TTLL7: variants seen among roughly 807,000 people sequenced by gnomAD.
TTLL7 encodes tubulin polyglutamylase TTLL7.
In TTLL7, 53 loss-of-function variants were observed where a neutral mutation model predicts 120.2. The observed-to-expected ratio is 0.44, with a 90% CI of 0.35 to 0.55. The LOEUF (loss-of-function observed/expected upper bound fraction) is 0.55, where lower values mean the gene tolerates loss of function less well. TTLL7 is among the 20% of genes least tolerant of loss of function. The probability of loss-of-function intolerance (pLI) is 0.00; values close to 1 mark genes in which losing one functional copy is unlikely to be tolerated. For missense variants in TTLL7, 803 were observed against 1,054.7 expected (o/e 0.76, Z 3.31); for synonymous variants, 353 against 351.7 (o/e 1.00, Z -0.04).
intron 18 of TTLL7, among the ~76,000 whole-genome samples, chr1:83,892,916 A>AG (rs1172863343): frequency 1.6e-5 from 2 of 123,724 alleles, no homozygotes; most frequent in South Asian, 2.6e-4. Flanking sequence ...AAAAAGAAAA[A>AG]AGAAAGAAAA....
intron 1 of TTLL7, among the ~76,000 whole-genome samples, chr1:83,970,903 C>A (rs954338534): frequency 6.6e-6 from 1 of 152,020 alleles, no homozygotes; most frequent in Non-Finnish European, 1.5e-5. Flanking sequence ...GTAAAACACA[C>A]AGCTTCAGAG....
intron 1 of TTLL7, among the ~76,000 whole-genome samples, chr1:83,955,795 A>G (rs940026084): frequency 9.2e-5 from 14 of 152,156 alleles, no homozygotes; most frequent in Non-Finnish European, 1.9e-4. Context: ...CAGGAGGATC[A>G]CTTGAGACCA....
At chr1:83,872,932 G>A (rs1653569576) in intron 20 of TTLL7, among the ~76,000 whole-genome samples, 1 of 152,178 alleles carries the variant, frequency 6.6e-6, no homozygotes, top group African/African-American at 2.4e-5. Flanking sequence ...TACCTAGTAA[G>A]TGGCAGAGCC....
intron 1 of TTLL7, among the ~76,000 whole-genome samples, chr1:83,962,899 T>C (rs548341269): frequency 3.8e-4 from 58 of 152,268 alleles, no homozygotes; most frequent in African/African-American, 1.2e-3. Flanking sequence ...TTTAAGCCAA[T>C]GTTATTTGAA....
chr1:83,954,542 T>C (rs1649338190), intron 1 of TTLL7, among the ~76,000 whole-genome samples: 1 of 152,206 alleles, frequency 6.6e-6, no homozygotes, highest in Non-Finnish European at 1.5e-5. Flanking sequence ...ACCTCTGAAA[T>C]GCTTTAAGCC....
At chr1:83,944,504 C>T (rs925059845) in intron 6 of TTLL7, among the ~76,000 whole-genome samples, 4 of 134,126 alleles carry the variant, frequency 3.0e-5, no homozygotes, top group East Asian at 2.2e-4. Flanking sequence ...GTCAGGAGTT[C>T]GAGATCAGCC....
intron 10 of TTLL7, among the ~76,000 whole-genome samples, chr1:83,922,857 C>T (rs764735740): frequency 6.6e-6 from 1 of 150,702 alleles, no homozygotes; most frequent in Non-Finnish European, 1.5e-5. Flanking sequence ...AGATGAGATG[C>T]TATTTCATTA....
intron 18 of TTLL7, 104 bp downstream of exon 18, chr1:83,903,975 G>A (rs959628203): frequency 2.3e-6 from 2 of 853,558 alleles, no homozygotes; most frequent in Non-Finnish European, 3.9e-6. Flanking sequence ...GAAGAAATGA[G>A]TAAACAAATG....
chr1:83,954,484 T>C (rs1244201574), intron 1 of TTLL7, among the ~76,000 whole-genome samples: 2 of 152,248 alleles, frequency 1.3e-5, no homozygotes, highest in Non-Finnish European at 2.9e-5. Context: ...ACCACTCATT[T>C]GAAACCATAG....
At chr1:83,883,522 C>G (rs1161254246) in intron 19 of TTLL7, among the ~76,000 whole-genome samples, 1 of 151,906 alleles carries the variant, frequency 6.6e-6, no homozygotes, top group Admixed American at 6.6e-5. Context: ...CTTGAAGTAG[C>G]TGGGACTACA....
At chr1:83,985,492 T>C (rs1229220693) in intron 1 of TTLL7, among the ~76,000 whole-genome samples, 1 of 152,140 alleles carries the variant, frequency 6.6e-6, no homozygotes, top group Non-Finnish European at 1.5e-5. Flanking sequence ...CAGACACCCC[T>C]AGAAATAATA....
rs188426748 is a variant in TTLL7 at position 83,947,797 on chromosome 1, A to G, written c.348-515T>C. ...TTACAAATTATCACACATAGGGAAC[A>G]GTTTTTGATTACCTTTTATACTACC... On this transcript the variant is annotated intron_variant, in intron 5 of 20. Transcript: ENST00000260505. 4.0e-3 allele frequency among the ~76,000 whole-genome samples: 612 copies of G among 152,204 alleles called. 3 individuals carry two copies. The highest frequency in any genetic ancestry group is 0.014 in the African/African-American group (591 of 41,536).
At chr1:83,926,395 G>A (rs1305426304) in intron 10 of TTLL7, among the ~76,000 whole-genome samples, 1 of 152,124 alleles carries the variant, frequency 6.6e-6, no homozygotes, top group African/African-American at 2.4e-5. Context: ...GCAGAGAGCT[G>A]CAAATGCTGG....
chr1:83,951,021 T>C (rs1648989362), intron 3 of TTLL7, among the ~76,000 whole-genome samples: 2 of 152,042 alleles, frequency 1.3e-5, no homozygotes, highest in Non-Finnish European at 2.9e-5. Context: ...GGGAAGACTT[T>C]AGTGAGATAA....
intron 12 of TTLL7, 53 bp downstream of exon 12, chr1:83,921,034 A>G (rs1658603657): frequency 6.6e-7 from 1 of 1,526,256 alleles, no homozygotes; most frequent in Non-Finnish European, 8.9e-7. Context: ...ATGAAGAATC[A>G]TTGCTTTGAT....
At chr1:83,897,865 T>TAA (rs58157608) in intron 18 of TTLL7, among the ~76,000 whole-genome samples, 3,497 of 127,300 alleles carry the variant, frequency 0.027, 83 homozygotes, top group African/African-American at 0.061. Context: ...TGTTTTCCAT[T>TAA]AAAAAAAAAA....
rs575663136 is a variant in TTLL7 at position 83,909,206 on chromosome 1, T to C, written c.1787-1545A>G. ...GGTAATGGTTTGGTTGTATATAACC[T>C]GATCACTGGGCAGAAGGAAAATATC... On this transcript the variant is annotated intron_variant, in intron 15 of 20. Coordinates refer to ENST00000260505, the MANE Select transcript of TTLL7 (RefSeq NM_024686.6). 3.3e-5 allele frequency among the ~76,000 whole-genome samples: 5 copies of C among 151,372 alleles called. No individual in the cohort carries two copies. The East Asian group carries it at 5.9e-4, about 18-fold the overall frequency.
At chr1:83,881,325 T>A (rs1654446445) in intron 20 of TTLL7, among the ~76,000 whole-genome samples, 2 of 148,738 alleles carry the variant, frequency 1.3e-5, no homozygotes, top group Admixed American at 1.3e-4. Context: ...TGGGAGAAAA[T>A]TTTCGCAACC....
rs114463155 is a variant in TTLL7 at position 83,920,371 on chromosome 1, G to A, written c.1365-537C>T. Reference sequence around the variant, plus strand: ...GTTTTTACTTAGTGTGGTTACTGAAGTATACAAAAATGTAAGCAGTGGTTC... The same window carrying A: ...GTTTTTACTTAGTGTGGTTACTGAAATATACAAAAATGTAAGCAGTGGTTC... On this transcript the variant is annotated intron_variant, in intron 12 of 20. Transcript: ENST00000260505. 3.8e-3 allele frequency among the ~76,000 whole-genome samples: 581 copies of A among 152,130 alleles called. 2 individuals are homozygous for A. The highest frequency in any genetic ancestry group is 6.1e-3 in the Non-Finnish European group (414 of 67,968).
Sources: gnomAD v4.1 joint callset for allele counts (sites outside exome capture counted in the v4.1 genomes callset) on GRCh38, gnomAD v4.1.1 for gene constraint, MANE v1.5 for transcripts, NCBI Gene and HGNC (gene_info 2026-07-23, HGNC 2026-07-21) for gene names.